Variants in CASR observed in about 807,000 individuals in gnomAD.
CASR encodes calcium sensing receptor, also known as extracellular calcium-sensing receptor.
In CASR, 23 loss-of-function variants were observed where a neutral mutation model predicts 69.1. That is an observed-to-expected ratio of 0.33 (90% CI 0.24 to 0.47). The LOEUF (loss-of-function observed/expected upper bound fraction) is 0.47, where lower values mean the gene tolerates loss of function less well. Among genes scored for constraint, CASR ranks in the 20% least tolerant of loss-of-function variants. CASR has a pLI of 1.00. For synonymous variants in CASR, 541 were observed against 544.7 expected (o/e 0.99, Z 0.10); for missense variants, 924 against 1,356.1 (o/e 0.68, Z 5.00).
At chr3:122,232,149 T>C (rs1230099562) in intron 1 of CASR, among the ~76,000 whole-genome samples, 3 of 151,446 alleles carry the variant, frequency 2.0e-5, no homozygotes, top group Admixed American at 1.3e-4. Flanking sequence ...TCACAATCCC[T>C]TTTTTTTATT....
Position 122,282,229 on chromosome 3 carries a change from T to C in CASR, c.1725T>C (p.Asp575=), listed in dbSNP as rs748213079. The part of the protein sequence containing the change: ...CVECPDGEYS[D]ETDASACNKC... ...AGTGTCCTGATGGGGAGTATAGTGA[T>C]GAGACAGGTAAGGGAACCCCTCTTG... The change falls in exon 6 of 7, where the codon GAT becomes GAC. Residue 575 remains aspartate (D), a synonymous_variant. Coordinates refer to ENST00000639785, the MANE Select transcript of CASR (RefSeq NM_000388.4). The C allele has an allele frequency of 6.2e-7, 1 of 1,613,832 alleles. No individual in the cohort carries two copies. The highest frequency in any genetic ancestry group is 1.7e-5 in the Admixed American group (1 of 60,024).
intron 4 of CASR, among the ~76,000 whole-genome samples, chr3:122,264,445 C>T (rs2074663755): frequency 2.6e-5 from 4 of 152,324 alleles, no homozygotes; most frequent in Middle Eastern, 6.8e-3. Flanking sequence ...CTCCAGACTA[C>T]ATAGACTTAG....
chr3:122,212,857 G>A (rs1018390683), intron 1 of CASR, among the ~76,000 whole-genome samples: 1 of 152,014 alleles, frequency 6.6e-6, no homozygotes, highest in Non-Finnish European at 1.5e-5. Context: ...GGTCAGGCTG[G>A]TCTCAAACTC....
intron 1 of CASR, among the ~76,000 whole-genome samples, chr3:122,196,077 C>A (rs2073886227): frequency 6.6e-6 from 1 of 151,942 alleles, no homozygotes; most frequent in African/African-American, 2.4e-5. Context: ...AGGTTCTATG[C>A]CCAATAAAAG....
intron 4 of CASR, among the ~76,000 whole-genome samples, chr3:122,264,949 T>C (rs970884193): frequency 2.0e-5 from 3 of 152,222 alleles, no homozygotes; most frequent in African/African-American, 7.2e-5. Flanking sequence ...CTGCCTTCTC[T>C]CAGTTCTTCC....
At chr3:122,205,704 A>T (rs1448439432) in intron 1 of CASR, among the ~76,000 whole-genome samples, 1 of 152,010 alleles carries the variant, frequency 6.6e-6, no homozygotes, top group Non-Finnish European at 1.5e-5. Context: ...ATGAGCATGG[A>T]ATAGCTTTTC....
chr3:122,195,424 G>A (rs1283726637), intron 1 of CASR, among the ~76,000 whole-genome samples: 1 of 152,150 alleles, frequency 6.6e-6, no homozygotes, highest in Non-Finnish European at 1.5e-5. Flanking sequence ...CCATATTTAT[G>A]AACCAGCTTT....
At chr3:122,280,950 A>C (rs954319113) in intron 5 of CASR, among the ~76,000 whole-genome samples, 3 of 152,252 alleles carry the variant, frequency 2.0e-5, no homozygotes, top group Non-Finnish European at 4.4e-5. Flanking sequence ...AACGGACTTC[A>C]TTCTTATGAT....
rs554693363 is a variant in CASR at position 122,289,145 on chromosome 3, C to T, written c.*3954C>T. ...TCTGCCCAGCCAGAGCTTCCCTTTG[C>T]TCATCTGCTGCATTTGAAATAATTA... On this transcript the variant is annotated 3_prime_UTR_variant, in exon 7 of 7. Coordinates refer to ENST00000639785, the MANE Select transcript of CASR (RefSeq NM_000388.4). 1 of 152,222 alleles carries T rather than the reference C, an allele frequency of 6.6e-6. No homozygotes were observed. Among genetic ancestry groups the T allele is most frequent in the African/African-American group, 2.4e-5 (1 of 41,452 alleles). 9.4% of individuals were successfully genotyped at this position (152,222 alleles called of 1,614,324 possible).
chr3:122,275,575 G>T (rs2074807312), intron 4 of CASR, among the ~76,000 whole-genome samples: 1 of 152,200 alleles, frequency 6.6e-6, no homozygotes, highest in Admixed American at 6.5e-5. Flanking sequence ...CTTCAAGAAA[G>T]TGTTTCCTAC....
At chr3:122,225,782 A>G (rs1407750350) in intron 1 of CASR, among the ~76,000 whole-genome samples, 3 of 152,250 alleles carry the variant, frequency 2.0e-5, no homozygotes, top group South Asian at 2.1e-4. Flanking sequence ...TCATATGTTC[A>G]TTGCAGCAGT....
In CASR at chr3:122,261,602, T is replaced by C. The variant is rs2074622837; in HGVS notation, c.567T>C (p.Asn189=). The C allele has an allele frequency of 2.5e-6, 4 of 1,614,194 alleles. No individual in the cohort carries two copies. Among genetic ancestry groups the C allele is most frequent in the Non-Finnish European group, 3.4e-6 (4 of 1,180,020 alleles). ...QFKSFLRTIP[N]DEHQATAMAD... ...AGTCTTTCCTCCGAACCATCCCCAA[T>C]GATGAGCACCAGGCCACTGCCATGG... The change falls in exon 4 of 7, where the codon AAT becomes AAC. Residue 189 remains asparagine, a synonymous_variant. Transcript: ENST00000639785.
intron 4 of CASR, among the ~76,000 whole-genome samples, chr3:122,263,897 T>G (rs1048093637): frequency 6.6e-6 from 1 of 152,160 alleles, no homozygotes; most frequent in Admixed American, 6.5e-5. Flanking sequence ...GGGAGCAATC[T>G]TCTAGGTGGT....
At position 122,200,847 on chromosome 3, in the gene CASR, G is replaced by A. The variant is rs368382709; in HGVS notation, c.-243+17035G>A. 2.8e-4 allele frequency among the ~76,000 whole-genome samples: 42 copies of A among 152,268 alleles called. No homozygotes were observed. The South Asian group carries it at 8.5e-3, about 31-fold the overall frequency. The stretch of plus-strand genomic sequence containing the variant: ...GTTCATTAGTGTAAGAGAGAGCTCA[G>A]CTAAGCACATCCTTGCCAACAGTTG... On this transcript the variant is annotated intron_variant, in intron 1 of 6. Transcript: ENST00000639785.
intron 1 of CASR, among the ~76,000 whole-genome samples, chr3:122,185,604 T>C (rs2073771386): frequency 6.6e-6 from 1 of 152,238 alleles, no homozygotes; most frequent in Non-Finnish European, 1.5e-5. Context: ...TTTTCTGAAA[T>C]GCTCTGGATT....
At chr3:122,193,769 A>G (rs2073861147) in intron 1 of CASR, among the ~76,000 whole-genome samples, 1 of 152,228 alleles carries the variant, frequency 6.6e-6, no homozygotes, top group Admixed American at 6.5e-5. Context: ...GAAAGGTAAA[A>G]CTATGGAAAG....
At chr3:122,273,264 A>C (rs553678278) in intron 4 of CASR, among the ~76,000 whole-genome samples, 35 of 152,350 alleles carry the variant, frequency 2.3e-4, no homozygotes, top group Admixed American at 5.9e-4. Context: ...ATGATGTTGT[A>C]GAAAAGCCTT....
chr3:122,252,368 AAG>A lies in CASR; in HGVS notation c.-242-1579_-242-1578del, dbSNP rs765760160. On this transcript the variant is annotated intron_variant, in intron 1 of 6. Transcript: ENST00000639785. ...AGAAGAAAGAAAGAAAGAAAGAAGGAAGGAAGGAAGGAAGGAAGGAAGGAAGG... is the reference window on the plus strand; with the variant it reads ...AGAAGAAAGAAAGAAAGAAAGAAGGAGAAGGAAGGAAGGAAGGAAGGAAGG... Among the ~76,000 whole-genome samples, 86 of 37,670 alleles carry A rather than the reference AAG, an allele frequency of 2.3e-3. 1 individual carries two copies. The highest frequency in any genetic ancestry group is 4.2e-3 in the Non-Finnish European group (74 of 17,424). 24.7% of individuals were successfully genotyped at this position (37,670 alleles called of 152,430 possible). A position where few individuals can be genotyped will look rare whatever the true frequency, so the allele number is the denominator to read the frequency against.
rs560148740 is a variant in CASR at position 122,261,896 on chromosome 3, T to C, written c.861T>C (p.Asn287=). Residue 287 remains asparagine, a synonymous_variant, in exon 4 of 7, where the codon AAT becomes AAC. Transcript: ENST00000639785. ...TCATCAAGGAGATTGTCCGGCGCAA[T>C]ATCACGGGCAAGATCTGGCTGGCCA... The part of the protein sequence containing the change: ...EPLIKEIVRR[N]ITGKIWLASE... The C allele has an allele frequency of 1.2e-6, 2 of 1,614,186 alleles. No homozygotes were observed. The highest frequency in any genetic ancestry group is 1.1e-5 in the South Asian group (1 of 91,076).
Sources: allele counts gnomAD v4.1 joint callset (sites outside exome capture counted in the v4.1 genomes callset), GRCh38; gene constraint gnomAD v4.1.1; transcripts MANE v1.5; gene names NCBI Gene and HGNC (gene_info 2026-07-23, HGNC 2026-07-21).